Variants in ASTN2 observed in about 807,000 individuals in gnomAD.
ASTN2 encodes astrotactin-2.
Under a neutral mutation model 139.8 loss-of-function variants are expected in ASTN2, and 54 were observed. The observed-to-expected ratio is 0.39, with a 90% CI of 0.31 to 0.48. ASTN2 has a LOEUF of 0.48. ASTN2 is among the 20% of genes least tolerant of loss of function. The pLI is 0.95. For missense variants in ASTN2, 1,565 were observed against 1,725.1 expected, an observed-to-expected ratio of 0.91 and a Z score of 1.64; for synonymous variants, 756 against 719.5, an observed-to-expected ratio of 1.05 and a Z score of -0.81.
chr9:117,245,973 A>G (rs1442252771), intron 2 of ASTN2, among the ~76,000 whole-genome samples: 1 of 152,074 alleles, frequency 6.6e-6, no homozygotes, highest in African/African-American at 2.4e-5. Flanking sequence ...CACTTCCCCC[A>G]TTCAACTCCA....
chr9:116,466,123 G>C (rs529287942), intron 20 of ASTN2, among the ~76,000 whole-genome samples: 1 of 152,150 alleles, frequency 6.6e-6, no homozygotes, highest in Non-Finnish European at 1.5e-5. Flanking sequence ...TGCTGTTTGC[G>C]GGGAGGGTGG....
chr9:116,766,441 AAC>A (rs1203466877), intron 13 of ASTN2, among the ~76,000 whole-genome samples: 3 of 151,580 alleles, frequency 2.0e-5, no homozygotes, highest in Non-Finnish European at 4.4e-5. Flanking sequence ...CTCACACATA[AAC>A]ACACACATTC....
intron 10 of ASTN2, among the ~76,000 whole-genome samples, chr9:116,909,578 G>A (rs550762172): frequency 4.9e-4 from 75 of 152,246 alleles, no homozygotes; most frequent in African/African-American, 1.6e-3. Context: ...GATGAGATTG[G>A]GACTGGAGCT....
intron 5 of ASTN2, among the ~76,000 whole-genome samples, chr9:117,040,527 C>T (rs1468469023): frequency 2.0e-5 from 3 of 152,182 alleles, no homozygotes; most frequent in South Asian, 4.1e-4. Flanking sequence ...GGCACAATCT[C>T]GGCTCACTGT....
At chr9:116,864,038 G>T (rs1429222066) in intron 10 of ASTN2, among the ~76,000 whole-genome samples, 3 of 152,138 alleles carry the variant, frequency 2.0e-5, no homozygotes, top group African/African-American at 7.2e-5. Context: ...GCAAGGTGAA[G>T]TATCTTGCTG....
intron 2 of ASTN2, among the ~76,000 whole-genome samples, chr9:117,224,031 T>A (rs1307100697): frequency 6.6e-6 from 1 of 152,178 alleles, no homozygotes. Flanking sequence ...TCCTTAATCA[T>A]CTTTAGATCA....
chr9:116,509,495 A>C (rs1850270270), intron 19 of ASTN2, among the ~76,000 whole-genome samples: 1 of 152,208 alleles, frequency 6.6e-6, no homozygotes, highest in South Asian at 2.1e-4. Context: ...TTATAGCAGC[A>C]TGACTTATAA....
intron 20 of ASTN2, among the ~76,000 whole-genome samples, chr9:116,447,921 C>T (rs543262905): frequency 3.8e-4 from 58 of 152,246 alleles, no homozygotes; most frequent in Middle Eastern, 3.4e-3. Flanking sequence ...CTATTGGTCC[C>T]ATCCAAGACC....
intron 16 of ASTN2, among the ~76,000 whole-genome samples, chr9:116,724,669 C>T (rs1204638989): frequency 6.6e-6 from 1 of 152,202 alleles, no homozygotes; most frequent in Non-Finnish European, 1.5e-5. Context: ...TCCCTCCTGG[C>T]TCCCACATTT....
At chr9:117,155,274 A>G (rs1055497748) in intron 3 of ASTN2, among the ~76,000 whole-genome samples, 1 of 152,022 alleles carries the variant, frequency 6.6e-6, no homozygotes, top group Non-Finnish European at 1.5e-5. Context: ...CCCAAACAGC[A>G]GCCAAAAAAC....
At chr9:117,162,323 G>T (rs1296102365) in intron 3 of ASTN2, among the ~76,000 whole-genome samples, 1 of 152,010 alleles carries the variant, frequency 6.6e-6, no homozygotes, top group Non-Finnish European at 1.5e-5. Context: ...TACTCATGGA[G>T]CTTCACTTGT....
At chr9:116,571,813 G>A (rs1256454780) in intron 19 of ASTN2, among the ~76,000 whole-genome samples, 3 of 152,022 alleles carry the variant, frequency 2.0e-5, no homozygotes, top group East Asian at 2.0e-4. Context: ...TGTGCTTCCC[G>A]TGTGTGTGTG....
At chr9:116,852,422 A>G (rs1013312675) in intron 11 of ASTN2, among the ~76,000 whole-genome samples, 1 of 152,146 alleles carries the variant, frequency 6.6e-6, no homozygotes, top group Non-Finnish European at 1.5e-5. Context: ...TATTCTTTTT[A>G]CTGGACTGGA....
At position 116,835,331 on chromosome 9, in the gene ASTN2, AC is replaced by A. The variant is rs1241347632; in HGVS notation, c.2041-14549del. On this transcript the variant is annotated intron_variant, in intron 11 of 22. Transcript: ENST00000313400. ...TGAGACAAGGAAGAAAAGGCAAAATACTTTATCCCAAAACACGTTTCTTGAC... is the reference window on the plus strand; with the variant it reads ...TGAGACAAGGAAGAAAAGGCAAAATATTTATCCCAAAACACGTTTCTTGAC... 6.1e-5 allele frequency among the ~76,000 whole-genome samples: 9 copies of A among 147,170 alleles called. No individual in the cohort carries two copies. In the East Asian group the frequency reaches 1.8e-3, roughly 29 times the overall value.
At chr9:117,212,107 A>G (rs1158167345) in intron 3 of ASTN2, among the ~76,000 whole-genome samples, 1 of 152,200 alleles carries the variant, frequency 6.6e-6, no homozygotes, top group Admixed American at 6.5e-5. Flanking sequence ...GAACCCAGAA[A>G]TTTATTTACA....
Position 117,414,630 on chromosome 9 carries a change from C to A in ASTN2, c.309G>T (p.Ala103=). 1 of 1,436,560 alleles carries A rather than the reference C, an allele frequency of 7.0e-7. No homozygotes were observed. Among genetic ancestry groups the A allele is most frequent in the South Asian group, 1.5e-5 (1 of 67,788 alleles). 89.0% of individuals were successfully genotyped at this position (1,436,560 alleles called of 1,614,324 possible). ...CGGCAGAGCCAGGAGAGCCCGGGGA[C>A]GCGGCGGCGGCGGCGGCTCCGGCCC... ...GTGAGAAAAA[A]SPGSPGSAGT... Residue 103 remains alanine, a synonymous_variant, in exon 1 of 23, where the codon GCG becomes GCT. Transcript: ENST00000313400. This position sits in a 1 kb window ranked among gnomAD's most constrained non-coding sequence, Gnocchi z 4.2.
intron 2 of ASTN2, among the ~76,000 whole-genome samples, chr9:117,261,410 T>C (rs955285429): frequency 6.6e-6 from 1 of 152,168 alleles, no homozygotes; most frequent in Admixed American, 6.5e-5. Context: ...CTGACCTGGA[T>C]TTAAATAAGT....
At chr9:116,572,030 A>G (rs1196556272) in intron 19 of ASTN2, among the ~76,000 whole-genome samples, 1 of 152,020 alleles carries the variant, frequency 6.6e-6, no homozygotes, top group African/African-American at 2.4e-5. Flanking sequence ...TGATTTCTCT[A>G]AATCCCCTGG....
intron 3 of ASTN2, among the ~76,000 whole-genome samples, chr9:117,167,135 G>T (rs941363349): frequency 1.3e-5 from 2 of 151,854 alleles, no homozygotes; most frequent in Non-Finnish European, 2.9e-5. Context: ...CCATCAATGG[G>T]ATCTGAAAAA....
Sources: gnomAD v4.1 joint callset for allele counts (sites outside exome capture counted in the v4.1 genomes callset) on GRCh38, gnomAD v4.1.1 for gene constraint, Gnocchi (gnomAD v3.1) non-coding constraint, MANE v1.5 for transcripts, NCBI Gene and HGNC (gene_info 2026-07-23, HGNC 2026-07-21) for gene names.